Variants in MAF observed in about 807,000 individuals in gnomAD.
MAF encodes MAF bZIP transcription factor.
Under a neutral mutation model 22.0 loss-of-function variants are expected in MAF, and 10 were observed. That is an observed-to-expected ratio of 0.45 (90% CI 0.28 to 0.77). MAF has a LOEUF of 0.77. Among genes scored for constraint, MAF ranks in the 30% least tolerant of loss-of-function variants. The pLI is 0.12. For missense variants in MAF, 544 were observed against 548.4 expected, an observed-to-expected ratio of 0.99 and a Z score of 0.08; for synonymous variants, 337 against 255.8, an observed-to-expected ratio of 1.32 and a Z score of -3.03.
At chr16:79,314,779 T>C in the MAF span, among the ~76,000 whole-genome samples, 1 of 152,112 alleles carries the variant, frequency 6.6e-6, no homozygotes, top group African/African-American at 2.4e-5. Context: ...GTTTTGCCAG[T>C]TCTACCCACG....
chr16:79,401,918 C>A, the MAF span, among the ~76,000 whole-genome samples: 1 of 152,174 alleles, frequency 6.6e-6, no homozygotes, highest in Non-Finnish European at 1.5e-5. Context: ...TGCCATCAGT[C>A]AGCTCATTTA....
the MAF span, among the ~76,000 whole-genome samples, chr16:79,320,272 T>G: frequency 3.9e-5 from 6 of 152,194 alleles, no homozygotes; most frequent in Admixed American, 3.9e-4. Flanking sequence ...GAATAGATTA[T>G]AGGGGAATAA....
chr16:79,450,145 A>G, the MAF span, among the ~76,000 whole-genome samples: 1 of 152,222 alleles, frequency 6.6e-6, no homozygotes, highest in African/African-American at 2.4e-5. Context: ...TCATCGTGTC[A>G]TCTCACAGAG....
the MAF span, among the ~76,000 whole-genome samples, chr16:79,514,442 T>C: frequency 6.6e-6 from 1 of 152,222 alleles, no homozygotes; most frequent in East Asian, 1.9e-4. Flanking sequence ...GGTGCAAATA[T>C]AGTATATATA....
At chr16:79,543,189 A>T in the MAF span, among the ~76,000 whole-genome samples, 1 of 152,240 alleles carries the variant, frequency 6.6e-6, no homozygotes, top group Non-Finnish European at 1.5e-5. Context: ...TCAGGCATTT[A>T]AAAGGATAAG....
chr16:79,240,774 T>A, the MAF span, among the ~76,000 whole-genome samples: 13 of 151,978 alleles, frequency 8.6e-5, no homozygotes, highest in African/African-American at 2.9e-4. Context: ...TAGGGGCCAA[T>A]GGACACCTCA....
At chr16:79,345,715 A>C in the MAF span, among the ~76,000 whole-genome samples, 2 of 123,204 alleles carry the variant, frequency 1.6e-5, no homozygotes, top group East Asian at 5.0e-4. Flanking sequence ...CAACAGAGCA[A>C]GACTCCGTCT....
At chr16:79,358,372 C>T in the MAF span, among the ~76,000 whole-genome samples, 1 of 152,154 alleles carries the variant, frequency 6.6e-6, no homozygotes, top group African/African-American at 2.4e-5. Context: ...ACTGGACAGG[C>T]AGCTTGACCC....
the MAF span, among the ~76,000 whole-genome samples, chr16:79,414,687 T>A: frequency 6.6e-6 from 1 of 152,084 alleles, no homozygotes; most frequent in Non-Finnish European, 1.5e-5. Flanking sequence ...AAGAGATGGT[T>A]TGGGTAAGAG....
the MAF span, among the ~76,000 whole-genome samples, chr16:79,390,353 C>A: frequency 2.6e-5 from 4 of 152,256 alleles, no homozygotes; most frequent in Middle Eastern, 0.01. Context: ...ATGGTCAAAT[C>A]ACTCCTGCCA....
the MAF span, among the ~76,000 whole-genome samples, chr16:79,432,989 G>A: frequency 4.6e-5 from 7 of 152,196 alleles, no homozygotes; most frequent in South Asian, 1.5e-3. Flanking sequence ...ATTTTCTTAT[G>A]CCAGCCTAGC....
chr16:79,513,159 G>C, the MAF span, among the ~76,000 whole-genome samples: 1 of 152,260 alleles, frequency 6.6e-6, no homozygotes, highest in Non-Finnish European at 1.5e-5. Context: ...GTGGAGGACA[G>C]ACCAAAGCCC....
chr16:79,425,565 A>G, the MAF span, among the ~76,000 whole-genome samples: 3 of 152,240 alleles, frequency 2.0e-5, no homozygotes, highest in African/African-American at 7.2e-5. Flanking sequence ...TATGAAAATC[A>G]GTTAATACCC....
the MAF span, among the ~76,000 whole-genome samples, chr16:79,552,432 C>G: frequency 1.3e-5 from 2 of 152,172 alleles, no homozygotes; most frequent in African/African-American, 2.4e-5. Flanking sequence ...TGGTCTTGAA[C>G]TCCTGGTCTC....
At chr16:79,521,322 C>G in the MAF span, among the ~76,000 whole-genome samples, 27 of 152,318 alleles carry the variant, frequency 1.8e-4, 2 homozygotes, top group Admixed American at 1.6e-3. Context: ...CAGTTTCAAC[C>G]ACTGTTGGTT....
the MAF span, among the ~76,000 whole-genome samples, chr16:79,540,243 G>C: frequency 6.6e-6 from 1 of 151,734 alleles, no homozygotes; most frequent in Non-Finnish European, 1.5e-5. Flanking sequence ...CCAACTAGAT[G>C]GAACACAGCA....
the MAF span, among the ~76,000 whole-genome samples, chr16:79,565,883 T>C: frequency 1.3e-5 from 2 of 152,140 alleles, no homozygotes; most frequent in Non-Finnish European, 2.9e-5. Context: ...ACTTGATAGA[T>C]GAGGAAACTG....
the MAF span, among the ~76,000 whole-genome samples, chr16:79,352,902 G>A: frequency 6.6e-6 from 1 of 152,198 alleles, no homozygotes; most frequent in Non-Finnish European, 1.5e-5. Context: ...CACAAAAATA[G>A]ATGGAGAATC....
chr16:79,251,009 C>G, the MAF span, among the ~76,000 whole-genome samples: 1 of 152,202 alleles, frequency 6.6e-6, no homozygotes, highest in African/African-American at 2.4e-5. Context: ...GTGCTTAGCA[C>G]CTGCTACATT....
Sources: allele counts gnomAD v4.1 joint callset (sites outside exome capture counted in the v4.1 genomes callset), GRCh38; gene constraint gnomAD v4.1.1; transcripts MANE v1.5; gene names NCBI Gene and HGNC (gene_info 2026-07-23, HGNC 2026-07-21).